HAUS5: variants seen among roughly 807,000 people sequenced by gnomAD.
The protein encoded by HAUS5 is HAUS augmin-like complex subunit 5.
In HAUS5, 67 loss-of-function variants were observed where a neutral mutation model predicts 94.1. The observed-to-expected ratio is 0.71, with a 90% CI of 0.58 to 0.87. The LOEUF is 0.87. Among genes scored for constraint, HAUS5 ranks in the 40% least tolerant of loss-of-function variants. The pLI is 0.00. For missense variants in HAUS5, 739 were observed against 825.6 expected, an observed-to-expected ratio of 0.90 and a Z score of 1.29; for synonymous variants, 339 against 355.4, an observed-to-expected ratio of 0.95 and a Z score of 0.52.
intron 13 of HAUS5, among the ~76,000 whole-genome samples, 154 bp from the exon 14 acceptor site, chr19:35,619,269 TA>T (rs965671874): frequency 6.6e-6 from 1 of 150,908 alleles, no homozygotes; most frequent in Non-Finnish European, 1.5e-5. Flanking sequence ...TGCTATCACT[TA>T]AAAAAAAAGA....
intron 10 of HAUS5, 54 bp downstream of exon 10, chr19:35,618,249 G>A: frequency 1.3e-6 from 2 of 1,598,198 alleles, no homozygotes; most frequent in Non-Finnish European, 8.5e-7. Flanking sequence ...TGGGTGAGCT[G>A]GGACAGCCTC....
intron 6 of HAUS5, among the ~76,000 whole-genome samples, chr19:35,615,730 C>T (rs185654801): frequency 1.4e-3 from 212 of 152,172 alleles, no homozygotes; most frequent in African/African-American, 4.9e-3. Flanking sequence ...TGAAGAAAAG[C>T]CTATCATAGA....
intron 6 of HAUS5, among the ~76,000 whole-genome samples, chr19:35,616,505 GT>G (rs1202834417): frequency 1.3e-5 from 2 of 151,874 alleles, no homozygotes; most frequent in Admixed American, 6.6e-5. Flanking sequence ...TCTGGGTTTG[GT>G]TTTTTTGTTT....
rs201529938 is a variant in HAUS5 at position 35,619,056 on chromosome 19, G to A, written c.1179+7G>A. 6 of 1,581,176 alleles carry A rather than the reference G, an allele frequency of 3.8e-6. No homozygotes were observed. On this transcript the variant is annotated splice_region_variant and intron_variant, in intron 13 of 18. Transcript: ENST00000203166. Reference sequence around the variant, plus strand: ...GCACTGGCGCCAGCTGGTGGTGAGAGGCTAGGCCCAGGGCCTTGTGGAGGG... The same window carrying A: ...GCACTGGCGCCAGCTGGTGGTGAGAAGCTAGGCCCAGGGCCTTGTGGAGGG...
Position 35,614,039 on chromosome 19 carries a change from G to A in HAUS5, c.199G>A (p.Gly67Ser). The change falls in exon 4 of 19, where the codon GGC (glycine) becomes AGC (serine). Residue 67 changes from glycine to serine, a missense_variant. Coordinates refer to ENST00000203166, the MANE Select transcript of HAUS5 (RefSeq NM_015302.2). ...ACTCTGGCCTCGTTTTCCTAGGTATGGCCACCAGGACAGTCCACAGGTGAG... is the reference window on the plus strand; with the variant it reads ...ACTCTGGCCTCGTTTTCCTAGGTATAGCCACCAGGACAGTCCACAGGTGAG... Reference protein sequence around the residue: ...KKIRGNLLWYGHQDSPQVRRK... With the variant: ...KKIRGNLLWYSHQDSPQVRRK... 1 of 1,613,860 alleles carries A rather than the reference G, an allele frequency of 6.2e-7. No homozygotes were observed. The highest frequency in any genetic ancestry group is 8.5e-7 in the Non-Finnish European group (1 of 1,179,820).
rs748397923 is a variant in HAUS5 at position 35,620,204 on chromosome 19, C to G, written c.1528C>G (p.Leu510Val). The G allele has an allele frequency of 1.2e-6, 2 of 1,613,622 alleles. No homozygotes were observed. Among genetic ancestry groups the G allele is most frequent in the Non-Finnish European group, 1.7e-6 (2 of 1,179,856 alleles). ...TTCCCTCCTCCTCCAGGCCTCGGAG[C>G]TGCTCCTGCCGGCGGCTGCCTCTCT... ...LGLPPGKASE[L>V]LLPAAASLRQ... Residue 510 changes from leucine to valine, a missense_variant, in exon 17 of 19, where the codon CTG (leucine) becomes GTG (valine). By Grantham distance (32) the Leu-to-Val change is conservative (BLOSUM62 1). Transcript: ENST00000203166.
In HAUS5 at chr19:35,623,419, G is replaced by A. The variant is rs761209677; in HGVS notation, c.*426G>A. On this transcript the variant is annotated 3_prime_UTR_variant, in exon 19 of 19. Transcript: ENST00000203166. ...GGGTGGGATGTGTGATTTGAATTGA[G>A]GGCCACACTGCCCAGGTCGTGCTCC... 1 of 174,576 alleles carries A rather than the reference G, an allele frequency of 5.7e-6. No homozygotes were observed. Among genetic ancestry groups the A allele is most frequent in the Non-Finnish European group, 1.2e-5 (1 of 80,774 alleles). The allele number at this position is 174,576 out of a possible 1,614,324, so 10.8% of individuals were successfully genotyped here. A position where few individuals can be genotyped will look rare whatever the true frequency, so the allele number is the denominator to read the frequency against.
rs571761203 is a variant in HAUS5, at chr19:35,618,149, C to T, written c.775C>T (p.Arg259Trp). The T allele has an allele frequency of 3.9e-5, 62 of 1,610,224 alleles. No homozygotes were observed. The South Asian group carries it at 4.8e-4, about 13-fold the overall frequency. The change falls in exon 10 of 19, where the codon CGG (arginine) becomes TGG (tryptophan). Residue 259 changes from arginine (R) to tryptophan (W), a missense_variant. By Grantham distance (101) the Arg-to-Trp change is moderately radical. Transcript: ENST00000203166. ...GGCTGCAGAGCGGGAGGCAGAGATT[C>T]GGTCCCTGTGCAGTGGGGATGGGCT... ...HLAAEREAEI[R>W]SLCSGDGLGD... is the part of the protein sequence containing the mutation.
Position 35,612,907 on chromosome 19 carries a change from T to C in HAUS5, c.98+15T>C, listed in dbSNP as rs1439047672. ...ACGCTGCGCAGGTGAGGACCGCTCC[T>C]GGAGTGAGGACACCCCACCCTGGAG... is the stretch of plus-strand genomic sequence containing the variant. On this transcript the variant is annotated intron_variant, in intron 1 of 18. Coordinates refer to ENST00000203166, the MANE Select transcript of HAUS5 (RefSeq NM_015302.2). 2.0e-6 allele frequency: 3 copies of C among 1,494,770 alleles called. No homozygotes were observed. The highest frequency in any genetic ancestry group is 2.7e-6 in the Non-Finnish European group (3 of 1,118,976). 92.6% of individuals were successfully genotyped at this position (1,494,770 alleles called of 1,614,324 possible).
intron 1 of HAUS5, 42 bp from the exon 2 acceptor site, chr19:35,613,688 T>G: frequency 1.7e-5 from 27 of 1,578,994 alleles, no homozygotes; most frequent in Non-Finnish European, 2.3e-5. Context: ...TCCCACACCC[T>G]GTGTGCTGCC....
Position 35,617,913 on chromosome 19 carries a change from G to T in HAUS5, c.696+1G>T. ...CCAGCAGTGGCTGAGCTCAGTGGAG[G>T]TGAGAGGGCAGGGCTCTCAGGAAAG... On this transcript the variant is annotated splice_donor_variant, in intron 9 of 18. Coordinates refer to ENST00000203166, the MANE Select transcript of HAUS5 (RefSeq NM_015302.2). LOFTEE classifies it high-confidence loss of function. 1 of 1,613,906 alleles carries T rather than the reference G, an allele frequency of 6.2e-7. No individual in the cohort carries two copies. Among genetic ancestry groups the T allele is most frequent in the South Asian group, 1.1e-5 (1 of 91,082 alleles).
intron 4 of HAUS5, chr19:35,614,268 G>A (rs1312421577): frequency 1.3e-5 from 8 of 614,938 alleles, no homozygotes; most frequent in Middle Eastern, 4.3e-4. Context: ...AGCACTTTGG[G>A]AGGCTCACCT....
In HAUS5 at chr19:35,624,176, C is replaced by G. The variant is rs1253710988; in HGVS notation, c.*1183C>G. 1.4e-5 allele frequency: 2 copies of G among 138,458 alleles called. No homozygotes were observed. Among genetic ancestry groups the G allele is most frequent in the East Asian group, 2.3e-4 (1 of 4,272 alleles). The allele number at this position is 138,458 out of a possible 1,614,324, so 8.6% of individuals were successfully genotyped here. On this transcript the variant is annotated 3_prime_UTR_variant, in exon 19 of 19. Coordinates refer to ENST00000203166, the MANE Select transcript of HAUS5 (RefSeq NM_015302.2). ...TTGGAGTGCAGTGGCATGATCTCAG[C>G]TCACTGCAACCTCCGCCTCCCAGGT... is the stretch of plus-strand genomic sequence containing the variant.
intron 3 of HAUS5, 38 bp from the exon 4 acceptor site, chr19:35,613,997 G>A: frequency 1.9e-6 from 3 of 1,613,186 alleles, no homozygotes; most frequent in Non-Finnish European, 2.5e-6. Context: ...CCCCCTAGAA[G>A]CCCCACTCAT....
chr19:35,613,570 T>TAAAAAA (rs34133946), intron 1 of HAUS5, 160 bp from the exon 2 acceptor site: 11 of 499,812 alleles, frequency 2.2e-5, no homozygotes, highest in Non-Finnish European at 3.8e-5. Flanking sequence ...GACTGTCTCT[T>TAAAAAA]AAAAAAAAAA....
At position 35,615,045 on chromosome 19, in the gene HAUS5, C is replaced by T. The variant is rs111809886; in HGVS notation, c.223C>T (p.Arg75Cys). 42 of 1,586,876 alleles carry T rather than the reference C, an allele frequency of 2.6e-5. No individual in the cohort carries two copies. In the African/African-American group the frequency reaches 3.2e-4, roughly 12 times the overall value. ...ACCCTGAATCTGATCCTCCCAGGTC[C>T]GTCGGAAGTTAGAGCTGGAAGCTGC... ...WYGHQDSPQV[R>C]RKLELEAAVT... Residue 75 changes from arginine to cysteine, a missense_variant, in exon 5 of 19, where the codon CGT becomes TGT. Arg to Cys is a radical substitution (Grantham distance 180, BLOSUM62 -3). Transcript: ENST00000203166.
chr19:35,619,584 G>GGCCCCC, intron 14 of HAUS5, 29 bp from the exon 15 acceptor site: 1 of 1,533,868 alleles, frequency 6.5e-7, no homozygotes, highest in Non-Finnish European at 8.9e-7. Context: ...ATGTTGTGAT[G>GGCCCCC]CCCCACCCAC....
chr19:35,618,202 G>A lies in HAUS5; in HGVS notation c.821+7G>A. Reference sequence around the variant, plus strand: ...GCGACACAGAGATATCCAGGTGTGGGGCAGGGTATTCTCACAGTTGGGGAA... The same window carrying A: ...GCGACACAGAGATATCCAGGTGTGGAGCAGGGTATTCTCACAGTTGGGGAA... On this transcript the variant is annotated splice_region_variant and intron_variant, in intron 10 of 18. Transcript: ENST00000203166. 6.3e-7 allele frequency: 1 copy of A among 1,597,604 alleles called. No homozygotes were observed. The highest frequency in any genetic ancestry group is 8.6e-7 in the Non-Finnish European group (1 of 1,169,358).
chr19:35,615,775 C>T (rs147707586), intron 6 of HAUS5, among the ~76,000 whole-genome samples: 37 of 152,240 alleles, frequency 2.4e-4, no homozygotes, highest in Non-Finnish European at 5.0e-4. Context: ...CGAGGGTGGT[C>T]AGCGAAGGCC....
Sources: gnomAD v4.1 joint callset for allele counts (sites outside exome capture counted in the v4.1 genomes callset) on GRCh38, gnomAD v4.1.1 for gene constraint, MANE v1.5 for transcripts, NCBI Gene and HGNC (gene_info 2026-07-23, HGNC 2026-07-21) for gene names.